The following LARGE1 variants were observed in gnomAD, a reference collection of about 807,000 sequenced individuals.
LARGE1 encodes the protein xylosyl- and glucuronyltransferase LARGE1.
Under a neutral mutation model 87.6 loss-of-function variants are expected in LARGE1, and 43 were observed. The observed-to-expected ratio is 0.49, with a 90% confidence interval of 0.38 to 0.63. The LOEUF (loss-of-function observed/expected upper bound fraction) is 0.63, where lower values mean the gene tolerates loss of function less well. Among genes scored for constraint, LARGE1 ranks in the 30% least tolerant of loss-of-function variants. The probability of loss-of-function intolerance (pLI) is 0.00; values close to 1 mark genes in which losing one functional copy is unlikely to be tolerated. For synonymous variants in LARGE1, 434 were observed against 394.6 expected (o/e 1.10, Z -1.18); for missense variants, 802 against 1,000.2 (o/e 0.80, Z 2.67).
At chr22:33,895,100 C>T (rs1214469636) in intron 1 of LARGE1, among the ~76,000 whole-genome samples, 4 of 152,072 alleles carry the variant, frequency 2.6e-5, no homozygotes. Flanking sequence ...GGAGAGTACA[C>T]CTCTACAGAG....
chr22:33,788,055 T>C (rs1450755052), intron 1 of LARGE1, among the ~76,000 whole-genome samples: 1 of 152,210 alleles, frequency 6.6e-6, no homozygotes, highest in African/African-American at 2.4e-5. Flanking sequence ...TTCTCAGCTA[T>C]GTCCACCATA....
chr22:33,404,685 A>G (rs1288407004), intron 7 of LARGE1, among the ~76,000 whole-genome samples: 3 of 152,232 alleles, frequency 2.0e-5, no homozygotes, highest in Non-Finnish European at 4.4e-5. Flanking sequence ...TCTCGTGTCA[A>G]TCGTTTAAAC....
intron 1 of LARGE1, among the ~76,000 whole-genome samples, chr22:33,831,143 C>T (rs2062955413): frequency 6.9e-6 from 1 of 144,668 alleles, no homozygotes; most frequent in Non-Finnish European, 1.5e-5. Flanking sequence ...TGTCGCCTAG[C>T]CTGGAGTGCA....
At chr22:33,152,200 C>T in the LARGE1 span, among the ~76,000 whole-genome samples, 37 of 152,318 alleles carry the variant, frequency 2.4e-4, no homozygotes, top group East Asian at 6.9e-3. Context: ...GCCTGAAGAG[C>T]AAGCTTTCCT....
intron 11 of LARGE1, among the ~76,000 whole-genome samples, chr22:33,263,719 G>T (rs143213239): frequency 1.3e-5 from 2 of 152,336 alleles, no homozygotes; most frequent in African/African-American, 4.8e-5. Context: ...ATACATGCGT[G>T]CTGTTTGAAG....
Position 33,536,473 on chromosome 22 carries a change from GGAGA to G in LARGE1, c.787+28371_787+28374del, listed in dbSNP as rs570918475. On this transcript the variant is annotated intron_variant, in intron 6 of 14. Transcript: ENST00000397394. ...TGCTGAGCACCCTGCTATGCACTGAGGAGAGAGTGATAAACCAGACAGATAAGGC... is the reference window on the plus strand; with the variant it reads ...TGCTGAGCACCCTGCTATGCACTGAGGAGTGATAAACCAGACAGATAAGGC... Among the ~76,000 whole-genome samples the G allele has an allele frequency of 4.7e-3, 722 of 152,346 alleles. 4 individuals are homozygous for G. The highest frequency in any genetic ancestry group is 0.016 in the African/African-American group (671 of 41,576).
intron 2 of LARGE1, among the ~76,000 whole-genome samples, chr22:33,681,470 T>C (rs1219831717): frequency 2.0e-5 from 3 of 152,228 alleles, no homozygotes; most frequent in South Asian, 2.1e-4. Context: ...TTCTGTTAAA[T>C]AGAATACTAA....
intron 6 of LARGE1, among the ~76,000 whole-genome samples, chr22:33,489,459 C>T (rs895710968): frequency 2.6e-5 from 4 of 152,084 alleles, no homozygotes; most frequent in African/African-American, 9.7e-5. Flanking sequence ...ATTGTAGCTC[C>T]CATAATTTTT....
chr22:33,556,475 G>A (rs2077679574), intron 6 of LARGE1, among the ~76,000 whole-genome samples: 1 of 145,582 alleles, frequency 6.9e-6, no homozygotes, highest in South Asian at 2.3e-4. Flanking sequence ...ATGAAAGAAT[G>A]AATGACTGAA....
chr22:33,451,956 C>T (rs2067950250), intron 6 of LARGE1, among the ~76,000 whole-genome samples: 1 of 152,226 alleles, frequency 6.6e-6, no homozygotes, highest in African/African-American at 2.4e-5. Context: ...AGTTACTTCA[C>T]TGAGACTAAT....
the LARGE1 span, among the ~76,000 whole-genome samples, chr22:33,113,020 C>T: frequency 2.0e-5 from 3 of 152,048 alleles, no homozygotes; most frequent in South Asian, 4.2e-4. Flanking sequence ...ATTCAAGTCT[C>T]GTTGCTCAGA....
At chr22:33,181,188 A>G (rs1923140427) in intron 11 of LARGE1, among the ~76,000 whole-genome samples, 1 of 152,232 alleles carries the variant, frequency 6.6e-6, no homozygotes, top group African/African-American at 2.4e-5. Flanking sequence ...ATAAAGAATA[A>G]TGGAGTTATA....
chr22:33,122,797 T>G, the LARGE1 span, among the ~76,000 whole-genome samples: 1 of 152,236 alleles, frequency 6.6e-6, no homozygotes. Context: ...CACATTTTCT[T>G]GCATAAAGCC....
At chr22:33,267,520 C>T (rs1602173498), downstream of LARGE1, among the ~76,000 whole-genome samples, 1 of 151,506 alleles carries the variant, frequency 6.6e-6, no homozygotes, top group African/African-American at 2.4e-5. Flanking sequence ...AATTGCCTTT[C>T]GCTTACTACA....
the LARGE1 span, among the ~76,000 whole-genome samples, chr22:33,117,061 C>T: frequency 6.6e-6 from 1 of 152,144 alleles, no homozygotes; most frequent in Non-Finnish European, 1.5e-5. Flanking sequence ...CAGGAAAATG[C>T]CTAGAGGCCT....
intron 1 of LARGE1, among the ~76,000 whole-genome samples, chr22:33,808,673 C>T (rs1449637079): frequency 6.6e-6 from 1 of 152,248 alleles, no homozygotes; most frequent in Non-Finnish European, 1.5e-5. Context: ...ATCAATTTCA[C>T]AGTGACGAGT....
intron 2 of LARGE1, chr22:33,733,240 A>G (rs2083533894): frequency 6.6e-6 from 1 of 152,242 alleles, no homozygotes; most frequent in Non-Finnish European, 1.5e-5. Context: ...AAAGCCACAC[A>G]GCATTAAGTG....
At chr22:33,234,578 G>T (rs1189889805) in intron 11 of LARGE1, among the ~76,000 whole-genome samples, 1 of 152,018 alleles carries the variant, frequency 6.6e-6, no homozygotes, top group African/African-American at 2.4e-5. Context: ...TTTTGCTCTT[G>T]CTGCCCAGGC....
intron 1 of LARGE1, among the ~76,000 whole-genome samples, chr22:33,870,051 G>A (rs2064228165): frequency 6.6e-6 from 1 of 152,228 alleles, no homozygotes; most frequent in Non-Finnish European, 1.5e-5. Context: ...TTGGAAACAA[G>A]TTCATTGCAG....
Sources: gnomAD v4.1 joint callset for allele counts (sites outside exome capture counted in the v4.1 genomes callset) on GRCh38, gnomAD v4.1.1 for gene constraint, MANE v1.5 for transcripts, NCBI Gene and HGNC (gene_info 2026-07-23, HGNC 2026-07-21) for gene names.